The following ASB7 variants were observed in gnomAD, a reference collection of about 807,000 sequenced individuals.
ASB7 encodes ankyrin repeat and SOCS box containing 7, also known as ankyrin repeat and SOCS box protein 7.
A neutral mutation model predicts 32.5 loss-of-function variants in ASB7; 4 were observed. That is an observed-to-expected ratio of 0.12 (90% CI 0.06 to 0.28). ASB7 has a LOEUF of 0.28. Ranked by LOEUF, ASB7 falls within the 10% of genes least tolerant of loss-of-function variation. The pLI, the probability that ASB7 is intolerant of heterozygous loss-of-function variation, is 1.00. For synonymous variants in ASB7, 172 were observed against 155.6 expected (o/e 1.11, Z -0.78); for missense variants, 181 against 407.1 (o/e 0.44, Z 4.78).
At chr15:100,605,230 T>G (rs1192741857) in intron 2 of ASB7, among the ~76,000 whole-genome samples, 1 of 152,230 alleles carries the variant, frequency 6.6e-6, no homozygotes, top group Non-Finnish European at 1.5e-5. Flanking sequence ...TGGTCTAGAT[T>G]ATACCAGGCA....
At chr15:100,642,083 A>G (rs560874713) in intron 5 of ASB7, among the ~76,000 whole-genome samples, 8 of 152,370 alleles carry the variant, frequency 5.3e-5, no homozygotes, top group African/African-American at 1.9e-4. Context: ...TTAAAAGGTC[A>G]GATTCTCCCA....
chr15:100,603,364 C>T lies in ASB7; in HGVS notation c.-174+51C>T, dbSNP rs1274144672. On this transcript the variant is annotated intron_variant, in intron 2 of 5. Transcript: ENST00000332783. ...CGTTGTTTATTCCTGGCCCCTACCTCATTAAGCAGTGGTTTATTTTCAGGG... is the reference window on the plus strand; with the variant it reads ...CGTTGTTTATTCCTGGCCCCTACCTTATTAAGCAGTGGTTTATTTTCAGGG... 3 of 197,760 alleles carry T rather than the reference C, an allele frequency of 1.5e-5. No homozygotes were observed. The East Asian group carries it at 3.5e-4, about 23-fold the overall frequency. 12.3% of individuals were successfully genotyped at this position (197,760 alleles called of 1,614,324 possible). A position where few individuals can be genotyped will look rare whatever the true frequency, so the allele number is the denominator to read the frequency against.
At chr15:100,619,549 A>G (rs1418547579) in intron 4 of ASB7, among the ~76,000 whole-genome samples, 1 of 152,224 alleles carries the variant, frequency 6.6e-6, no homozygotes, top group Non-Finnish European at 1.5e-5. Context: ...TGAAATGAAG[A>G]TTAGTAAAGG....
chr15:100,636,251 A>T (rs896282274), intron 5 of ASB7, among the ~76,000 whole-genome samples: 2 of 152,134 alleles, frequency 1.3e-5, no homozygotes, highest in African/African-American at 4.8e-5. Context: ...CAGTTTTCTG[A>T]TGGATCCATG....
At chr15:100,641,362 G>GA (rs921827453) in intron 5 of ASB7, among the ~76,000 whole-genome samples, 6 of 151,992 alleles carry the variant, frequency 3.9e-5, no homozygotes, top group Non-Finnish European at 5.9e-5. Context: ...TGCCATTTCT[G>GA]AAAAAAATAG....
intron 5 of ASB7, among the ~76,000 whole-genome samples, chr15:100,646,812 G>T (rs1264832987): frequency 2.0e-5 from 3 of 152,118 alleles, no homozygotes; most frequent in Admixed American, 1.3e-4. Context: ...CTCTCCATGG[G>T]TCTCCTCCTG....
At position 100,649,979 on chromosome 15, in the gene ASB7, A is replaced by G. The variant is rs767581977; in HGVS notation, c.*1517A>G. 1.3e-5 allele frequency: 2 copies of G among 152,276 alleles called. No homozygotes were observed. Among genetic ancestry groups the G allele is most frequent in the Non-Finnish European group, 2.9e-5 (2 of 68,050 alleles). 9.4% of individuals were successfully genotyped at this position (152,276 alleles called of 1,614,324 possible). A position where few individuals can be genotyped will look rare whatever the true frequency, so the allele number is the denominator to read the frequency against. ...CCCAGAAGTGTAACTAAGCAGAACT[A>G]GGAGTTTTCTCTGGCTTCACCTTTT... On this transcript the variant is annotated 3_prime_UTR_variant, in exon 6 of 6. Coordinates refer to ENST00000332783, the MANE Select transcript of ASB7 (RefSeq NM_198243.3).
intron 5 of ASB7, among the ~76,000 whole-genome samples, chr15:100,637,575 C>T (rs1054788613): frequency 3.9e-5 from 6 of 152,118 alleles, no homozygotes; most frequent in African/African-American, 1.2e-4. Flanking sequence ...CATGGATAAA[C>T]GATCCATTTC....
intron 4 of ASB7, among the ~76,000 whole-genome samples, chr15:100,619,554 T>TA (rs2141393672): frequency 6.6e-6 from 1 of 152,210 alleles, no homozygotes; most frequent in South Asian, 2.1e-4. Context: ...TGAAGATTAG[T>TA]AAAGGAGCAG....
intron 5 of ASB7, among the ~76,000 whole-genome samples, chr15:100,639,288 A>G (rs1261653680): frequency 1.3e-5 from 2 of 152,212 alleles, no homozygotes; most frequent in African/African-American, 2.4e-5. Context: ...TGAAGATACT[A>G]TTTTATAAAT....
chr15:100,649,343 C>T lies in ASB7; in HGVS notation c.*881C>T, dbSNP rs1327480714. On this transcript the variant is annotated 3_prime_UTR_variant, in exon 6 of 6. Coordinates refer to ENST00000332783, the MANE Select transcript of ASB7 (RefSeq NM_198243.3). ...GGACAGGAGCCGCCGCTTCAGTTGT[C>T]ACTGCAGAGCCATCGTATGTCAGTT... 1 of 152,208 alleles carries T rather than the reference C, an allele frequency of 6.6e-6. No homozygotes were observed. The highest frequency in any genetic ancestry group is 1.5e-5 in the Non-Finnish European group (1 of 68,040). 9.4% of individuals were successfully genotyped at this position (152,208 alleles called of 1,614,324 possible). A position where few individuals can be genotyped will look rare whatever the true frequency, so the allele number is the denominator to read the frequency against.
intron 4 of ASB7, among the ~76,000 whole-genome samples, chr15:100,614,952 G>A (rs2039729557): frequency 6.6e-6 from 1 of 152,048 alleles, no homozygotes; most frequent in Non-Finnish European, 1.5e-5. Context: ...GCTCAATCAT[G>A]GACCCCATTT....
intron 4 of ASB7, among the ~76,000 whole-genome samples, chr15:100,624,878 T>C (rs1215426099): frequency 6.8e-6 from 1 of 148,026 alleles, no homozygotes; most frequent in Admixed American, 7.0e-5. Flanking sequence ...TAACGAAATA[T>C]TGGCAAATCC....
intron 5 of ASB7, chr15:100,645,920 A>G (rs2141409014): frequency 1.5e-6 from 1 of 645,560 alleles, no homozygotes; most frequent in Admixed American, 2.1e-5. Flanking sequence ...TGGCCAGAGA[A>G]GGTCACTATG....
chr15:100,647,342 C>T (rs1199405445), intron 5 of ASB7, among the ~76,000 whole-genome samples: 1 of 152,134 alleles, frequency 6.6e-6, no homozygotes, highest in Non-Finnish European at 1.5e-5. Context: ...AAGTACTTCC[C>T]TCGTAAAAGG....
chr15:100,646,539 T>C, intron 5 of ASB7: 2 of 413,654 alleles, frequency 4.8e-6, no homozygotes, highest in Non-Finnish European at 9.9e-6. Context: ...CCTTTAGTAA[T>C]TAATTGATGA....
In ASB7 at chr15:100,650,656, A is replaced by C. The variant is rs2040025716; in HGVS notation, c.*2194A>C. ...ACGTAAAAAGATCAGATTAAGGTAA[A>C]TTCTTTGTTCTGTATTGCTGCTGTG... On this transcript the variant is annotated 3_prime_UTR_variant, in exon 6 of 6. Coordinates refer to ENST00000332783, the MANE Select transcript of ASB7 (RefSeq NM_198243.3). 1 of 152,158 alleles carries C rather than the reference A, an allele frequency of 6.6e-6. No homozygotes were observed. The highest frequency in any genetic ancestry group is 2.1e-4 in the South Asian group (1 of 4,826). 9.4% of individuals were successfully genotyped at this position (152,158 alleles called of 1,614,324 possible).
Position 100,602,757 on chromosome 15 carries a change from C to T in ASB7, c.-562C>T, listed in dbSNP as rs1002461783. ...CCTCCGTAGCTGGAAGCCTCCGGCC[C>T]GGAGCGCGGCAGCCCCCTGCTCCGA... is the stretch of plus-strand genomic sequence containing the variant. On this transcript the variant is annotated 5_prime_UTR_variant, in exon 1 of 6. Transcript: ENST00000332783. The T allele has an allele frequency of 5.2e-5, 20 of 384,106 alleles. No homozygotes were observed. Among genetic ancestry groups the T allele is most frequent in the Non-Finnish European group, 9.2e-5 (20 of 217,530 alleles). 23.8% of individuals were successfully genotyped at this position (384,106 alleles called of 1,614,324 possible).
At chr15:100,635,859 C>G (rs1354730353) in intron 5 of ASB7, among the ~76,000 whole-genome samples, 1 of 152,182 alleles carries the variant, frequency 6.6e-6, no homozygotes, top group East Asian at 1.9e-4. Context: ...GGCTCTGAGA[C>G]AAGGTTCTGA....
Sources: allele counts gnomAD v4.1 joint callset (sites outside exome capture counted in the v4.1 genomes callset), GRCh38; gene constraint gnomAD v4.1.1; transcripts MANE v1.5; gene names NCBI Gene and HGNC (gene_info 2026-07-23, HGNC 2026-07-21).